The following ROBO1 variants were observed in gnomAD, a reference collection of about 807,000 sequenced individuals.
ROBO1 encodes roundabout homolog 1.
A neutral mutation model predicts 195.9 loss-of-function variants in ROBO1; 149 were observed. That is an observed-to-expected ratio of 0.76 (90% CI 0.67 to 0.87). The LOEUF (loss-of-function observed/expected upper bound fraction) is 0.87, where lower values mean the gene tolerates loss of function less well. Ranked by LOEUF, ROBO1 falls within the 40% of genes least tolerant of loss-of-function variation. The pLI is 0.00. For missense variants in ROBO1, 1,933 were observed against 2,068.3 expected (o/e 0.93, Z 1.27); for synonymous variants, 816 against 733.2 (o/e 1.11, Z -1.82).
At position 79,173,203 on chromosome 3, in the gene ROBO1, C is replaced by T. The variant is rs1021685094; in HGVS notation, c.89-47664G>A. 3.9e-5 allele frequency among the ~76,000 whole-genome samples: 6 copies of T among 152,220 alleles called. No individual in the cohort carries two copies. In the South Asian group the frequency reaches 8.3e-4, roughly 21 times the overall value. On this transcript the variant is annotated intron_variant, in intron 2 of 30. Coordinates refer to ENST00000464233, the MANE Select transcript of ROBO1 (RefSeq NM_002941.4). ...AGCCCTCACAGCCCTCACTCGCTCT[C>T]GGTGCCTCCTCTACCTGGGCTCCCA...
At chr3:78,695,651 A>C (rs1157313804) in intron 8 of ROBO1, among the ~76,000 whole-genome samples, 1 of 151,546 alleles carries the variant, frequency 6.6e-6, no homozygotes, top group Non-Finnish European at 1.5e-5. Flanking sequence ...AAAGAAAAGA[A>C]AACAGAAAAA....
chr3:79,574,433 A>C (rs1020420336), intron 2 of ROBO1, among the ~76,000 whole-genome samples: 1 of 151,926 alleles, frequency 6.6e-6, no homozygotes, highest in Non-Finnish European at 1.5e-5. Context: ...TGCTACCATA[A>C]ATACTATAAA....
At chr3:79,581,891 G>A (rs1943673547) in intron 2 of ROBO1, among the ~76,000 whole-genome samples, 1 of 151,920 alleles carries the variant, frequency 6.6e-6, no homozygotes, top group Non-Finnish European at 1.5e-5. Flanking sequence ...CAACAAATAT[G>A]TTTGTAGTCA....
rs747730486 is a variant in ROBO1 at position 79,733,952 on chromosome 3, C to CTT, written c.-51+33798_-51+33799dup. ...CATCACCATCATACAATCCTCCCAT[C>CTT]TTTTTTTTTTTTTTTTGACAAAGTT... is the stretch of plus-strand genomic sequence containing the variant. On this transcript the variant is annotated intron_variant, in intron 1 of 30. Coordinates refer to ENST00000464233, the MANE Select transcript of ROBO1 (RefSeq NM_002941.4). Among the ~76,000 whole-genome samples, 302 of 138,776 alleles carry CTT rather than the reference C, an allele frequency of 2.2e-3. 3 individuals carry two copies. The highest frequency in any genetic ancestry group is 8.8e-3 in the South Asian group (38 of 4,326). The allele number at this position is 138,776 out of a possible 152,430, so 91.0% of individuals were successfully genotyped here. A position where few individuals can be genotyped will look rare whatever the true frequency, so the allele number is the denominator to read the frequency against.
rs182411242 is a variant in ROBO1 at position 78,638,702 on chromosome 3, C to T, written c.3037+1042G>A. Reference sequence around the variant, plus strand: ...CTGAGCAACATAGCAAGACCTGCATCTCTACAAAAAAAATTTTTTAAATTA... The same window carrying T: ...CTGAGCAACATAGCAAGACCTGCATTTCTACAAAAAAAATTTTTTAAATTA... On this transcript the variant is annotated intron_variant, in intron 22 of 30. Coordinates refer to ENST00000464233, the MANE Select transcript of ROBO1 (RefSeq NM_002941.4). Among the ~76,000 whole-genome samples, 630 of 151,674 alleles carry T rather than the reference C, an allele frequency of 4.2e-3. 6 individuals are homozygous for T. The highest frequency in any genetic ancestry group is 5.0e-3 in the Non-Finnish European group (339 of 67,886).
At chr3:79,438,284 A>C (rs1448578291) in intron 2 of ROBO1, among the ~76,000 whole-genome samples, 2 of 151,904 alleles carry the variant, frequency 1.3e-5, no homozygotes, top group Non-Finnish European at 2.9e-5. Context: ...ATCTTGCAGG[A>C]CTGTTGATAC....
chr3:79,626,848 T>C (rs1175778318), intron 1 of ROBO1, among the ~76,000 whole-genome samples: 1 of 152,146 alleles, frequency 6.6e-6, no homozygotes, highest in Non-Finnish European at 1.5e-5. Context: ...AGCATTCCTT[T>C]ATGCCAACAA....
rs1377429018 is a variant in ROBO1 at position 78,657,001 on chromosome 3, A to G, written c.2614+97T>C. On this transcript the variant is annotated intron_variant, in intron 18 of 30. Transcript: ENST00000464233. ...TAAGCCATATTCCATATTCTATTAA[A>G]TTAGCAATGGTGGGTGGCTCAGCCA... is the stretch of plus-strand genomic sequence containing the variant. 5 of 1,159,996 alleles carry G rather than the reference A, an allele frequency of 4.3e-6. No homozygotes were observed. The Admixed American group carries it at 8.5e-5, about 20-fold the overall frequency. The allele number at this position is 1,159,996 out of a possible 1,614,324, so 71.9% of individuals were successfully genotyped here.
chr3:79,010,252 T>C (rs1262891231), intron 3 of ROBO1, among the ~76,000 whole-genome samples: 3 of 152,176 alleles, frequency 2.0e-5, no homozygotes, highest in Non-Finnish European at 4.4e-5. Flanking sequence ...AGTGTGTTTG[T>C]AGAATTGTGA....
intron 1 of ROBO1, among the ~76,000 whole-genome samples, chr3:79,602,120 C>T (rs1944356974): frequency 6.6e-6 from 1 of 151,956 alleles, no homozygotes; most frequent in African/African-American, 2.4e-5. Flanking sequence ...CCTAGTCAAT[C>T]TTAGCAATTA....
intron 4 of ROBO1, among the ~76,000 whole-genome samples, chr3:78,884,524 G>T (rs331188): frequency 6.6e-6 from 1 of 150,612 alleles, no homozygotes; most frequent in Non-Finnish European, 1.5e-5. Context: ...GACTGAGATG[G>T]GAGGATTGCC....
At chr3:79,022,345 T>A (rs2078119892) in intron 3 of ROBO1, among the ~76,000 whole-genome samples, 1 of 152,120 alleles carries the variant, frequency 6.6e-6, no homozygotes, top group Non-Finnish European at 1.5e-5. Flanking sequence ...ACTCCTACTA[T>A]GGGAAGGTGC....
chr3:78,852,136 G>A (rs2034106908), intron 4 of ROBO1, among the ~76,000 whole-genome samples: 1 of 152,048 alleles, frequency 6.6e-6, no homozygotes, highest in African/African-American at 2.4e-5. Flanking sequence ...CTTCTATTAT[G>A]TGTTCATTTT....
intron 2 of ROBO1, among the ~76,000 whole-genome samples, chr3:79,199,083 G>C (rs1044462990): frequency 1.3e-5 from 2 of 151,922 alleles, no homozygotes; most frequent in Middle Eastern, 3.2e-3. Context: ...GGAGTGGTGA[G>C]AGAGGGCATC....
At chr3:78,631,801 C>G (rs547648512) in intron 24 of ROBO1, among the ~76,000 whole-genome samples, 5 of 152,210 alleles carry the variant, frequency 3.3e-5, no homozygotes, top group African/African-American at 1.2e-4. Flanking sequence ...AAGGCAAGTA[C>G]AGATGAAATA....
At chr3:78,846,298 G>C (rs971474167) in intron 4 of ROBO1, among the ~76,000 whole-genome samples, 1 of 152,022 alleles carries the variant, frequency 6.6e-6, no homozygotes, top group African/African-American at 2.4e-5. Flanking sequence ...TATTCTTGGA[G>C]GTAAATGTCA....
At chr3:79,312,888 T>G (rs2033552243) in intron 2 of ROBO1, among the ~76,000 whole-genome samples, 1 of 152,206 alleles carries the variant, frequency 6.6e-6, no homozygotes, top group Non-Finnish European at 1.5e-5. Context: ...AATAAATGTA[T>G]ACATGCATAC....
At chr3:79,683,754 C>T (rs368319979) in intron 1 of ROBO1, among the ~76,000 whole-genome samples, 23 of 152,064 alleles carry the variant, frequency 1.5e-4, no homozygotes, top group African/African-American at 5.1e-4. Context: ...CAAGATTCAT[C>T]CATGTTGCAG....
In ROBO1 at chr3:79,178,381, T is replaced by C. The variant is rs184152181; in HGVS notation, c.89-52842A>G. The stretch of plus-strand genomic sequence containing the variant: ...TATACGTTTCTACAAATTCTCCCAA[T>C]GTGCATAAACATCCGCATAAGGAAA... On this transcript the variant is annotated intron_variant, in intron 2 of 30. Coordinates refer to ENST00000464233, the MANE Select transcript of ROBO1 (RefSeq NM_002941.4). Among the ~76,000 whole-genome samples, 365 of 152,336 alleles carry C rather than the reference T, an allele frequency of 2.4e-3. 1 individual carries two copies. Among genetic ancestry groups the C allele is most frequent in the Admixed American group, 4.6e-3 (70 of 15,298 alleles).
Sources: gnomAD v4.1 joint callset for allele counts (sites outside exome capture counted in the v4.1 genomes callset) on GRCh38, gnomAD v4.1.1 for gene constraint, MANE v1.5 for transcripts, NCBI Gene and HGNC (gene_info 2026-07-23, HGNC 2026-07-21) for gene names.